NLRP11: variants seen among roughly 807,000 people sequenced by gnomAD.
The protein encoded by NLRP11 is NACHT, LRR and PYD domains-containing protein 11.
A neutral mutation model predicts 79.3 loss-of-function variants in NLRP11; 53 were observed. The ratio of observed to expected loss-of-function variants is 0.67; its 90% CI spans 0.54 to 0.84. NLRP11 has a LOEUF of 0.84. Among genes scored for constraint, NLRP11 ranks in the 40% least tolerant of loss-of-function variants. The probability of loss-of-function intolerance (pLI) is 0.00; values close to 1 mark genes in which losing one functional copy is unlikely to be tolerated. For missense variants in NLRP11, 1,264 were observed against 1,255.0 expected, an observed-to-expected ratio of 1.01 and a Z score of -0.11; for synonymous variants, 518 against 462.6, an observed-to-expected ratio of 1.12 and a Z score of -1.54.
Position 55,827,424 on chromosome 19 carries a change from T to G in NLRP11, c.-63+4539A>C, listed in dbSNP as rs944412226. ...GCCAAAATTGACAAATGGGATCTAA[T>G]TAAACTAAAGAGCTTCTGCACAGCA... On this transcript the variant is annotated intron_variant, in intron 1 of 9. Transcript: ENST00000589093. Among the ~76,000 whole-genome samples, 99 of 150,628 alleles carry G rather than the reference T, an allele frequency of 6.6e-4. 1 individual carries two copies. The highest frequency in any genetic ancestry group is 2.3e-3 in the African/African-American group (93 of 40,658).
rs569427531 is a variant in NLRP11 at position 55,803,347 on chromosome 19, AAAAC to A, written c.2004-1612_2004-1609del. 3.5e-3 allele frequency among the ~76,000 whole-genome samples: 536 copies of A among 152,272 alleles called. 2 individuals carry two copies. The highest frequency in any genetic ancestry group is 0.012 in the African/African-American group (480 of 41,548). On this transcript the variant is annotated intron_variant, in intron 4 of 9. Coordinates refer to ENST00000589093, the Ensembl canonical transcript of NLRP11. ...AGAGCAAGATTCCGTTATAAAAACA[AAAAC>A]AAACAAAACAAAACAAAAACTAGGC... is the stretch of plus-strand genomic sequence containing the variant.
chr19:55,809,807 G>A lies in NLRP11; in HGVS notation c.803C>T (p.Ala268Val), dbSNP rs926458565. The A allele has an allele frequency of 1.2e-6, 2 of 1,614,142 alleles. No homozygotes were observed. Among genetic ancestry groups the A allele is most frequent in the Non-Finnish European group, 1.7e-6 (2 of 1,179,984 alleles). ...GGAGATGAGGAACCAGCAGCCTGGA[G>A]CCATTTTTCTCTTCAGCAAACTGAC... The change falls in exon 3 of 10, where the codon GCT (alanine) becomes GTT (valine). Residue 268 changes from alanine (A) to valine (V), a missense_variant. By Grantham distance (64) the Ala-to-Val change is moderately conservative. Transcript: ENST00000589093. This position sits in a 1 kb window ranked among gnomAD's most constrained non-coding sequence, Gnocchi z 4.5.
chr19:55,822,192 A>G (rs1388790663), intron 1 of NLRP11, among the ~76,000 whole-genome samples: 1 of 152,188 alleles, frequency 6.6e-6, no homozygotes, highest in East Asian at 1.9e-4. Context: ...TGAACCTGGG[A>G]GGCAGAGATT....
intron 1 of NLRP11, among the ~76,000 whole-genome samples, chr19:55,827,379 CAA>C (rs1378835326): frequency 2.0e-5 from 3 of 150,054 alleles, no homozygotes; most frequent in African/African-American, 7.4e-5. Context: ...TCTAAAACAC[CAA>C]AAGCAATGGC....
chr19:55,814,824 C>T (rs560386610), intron 2 of NLRP11, among the ~76,000 whole-genome samples: 16 of 152,276 alleles, frequency 1.1e-4, no homozygotes, highest in Admixed American at 8.5e-4. Context: ...GGAAGCCACA[C>T]AACCCACGGA....
chr19:55,805,105 A>T (rs1173885293), intron 4 of NLRP11, among the ~76,000 whole-genome samples: 1 of 151,974 alleles, frequency 6.6e-6, no homozygotes, highest in Non-Finnish European at 1.5e-5. Flanking sequence ...GAGGAAAAAG[A>T]AGTTGTCCTA....
chr19:55,796,465 G>T (rs1156928194), intron 5 of NLRP11, among the ~76,000 whole-genome samples: 1 of 152,136 alleles, frequency 6.6e-6, no homozygotes, highest in African/African-American at 2.4e-5. Context: ...CTGTGAGCAG[G>T]CAGTTCCTTC....
chr19:55,809,541 GC>G lies in NLRP11; in HGVS notation c.1068del (p.Arg357ValfsTer22). ...GTTTGGCAGCAGAGCTGGAAGTCAC[GC>G]CCCTTGTCCATCTGCCGCTTCAGGA... On this transcript the variant is annotated frameshift_variant, in exon 3 of 10. Coordinates refer to ENST00000589093, the Ensembl canonical transcript of NLRP11. LOFTEE classifies it high-confidence loss of function. This position sits in a 1 kb window ranked among gnomAD's most constrained non-coding sequence, Gnocchi z 4.5. 5 of 1,614,166 alleles carry G rather than the reference GC, an allele frequency of 3.1e-6. No homozygotes were observed. The highest frequency in any genetic ancestry group is 4.2e-6 in the Non-Finnish European group (5 of 1,180,034).
At position 55,796,085 on chromosome 19, in the gene NLRP11, T is replaced by C. The variant is rs1478271071; in HGVS notation, c.2337A>G (p.Ser779=). Residue 779 remains serine, a synonymous_variant, in exon 6 of 10, where the codon TCA becomes TCG. Transcript: ENST00000589093. Reference sequence around the variant, plus strand: ...GCTCGTCTAAGCCAACTTACACCAGTGATATAAGAGTGCAGTTGGGATGAA... The same window carrying C: ...GCTCGTCTAAGCCAACTTACACCAGCGATATAAGAGTGCAGTTGGGATGAA... 2.5e-6 allele frequency: 4 copies of C among 1,609,838 alleles called. No individual in the cohort carries two copies. In the South Asian group the frequency reaches 4.4e-5, roughly 18 times the overall value.
At chr19:55,810,501 G>T (rs1600191207) in intron 2 of NLRP11, among the ~76,000 whole-genome samples, 163 bp from the exon 3 acceptor site, 1 of 152,272 alleles carries the variant, frequency 6.6e-6, no homozygotes, top group South Asian at 2.1e-4. Flanking sequence ...TTACCATCAT[G>T]TTGCTTGTTT....
chr19:55,792,291 G>C lies in NLRP11; in HGVS notation c.2513+10C>G. ...AACACAGTCATCCAGGACAACTGTG[G>C]GAGACTTACTGAAGCTCCTCTAACT... On this transcript the variant is annotated intron_variant, in intron 7 of 9. Transcript: ENST00000589093. The C allele has an allele frequency of 6.2e-7, 1 of 1,612,076 alleles. No homozygotes were observed. Among genetic ancestry groups the C allele is most frequent in the Non-Finnish European group, 8.5e-7 (1 of 1,178,378 alleles).
At chr19:55,794,713 T>C (rs568371703) in intron 6 of NLRP11, among the ~76,000 whole-genome samples, 14 of 151,640 alleles carry the variant, frequency 9.2e-5, no homozygotes, top group African/African-American at 3.2e-4. Context: ...TGAGCCGAGA[T>C]CGCGCCACCG....
In NLRP11 at chr19:55,793,955, C is replaced by T. The variant is rs372392722; in HGVS notation, c.2343-1484G>A. 3.3e-4 allele frequency among the ~76,000 whole-genome samples: 51 copies of T among 152,262 alleles called. 1 individual carries two copies. In the South Asian group the frequency reaches 3.5e-3, roughly 11 times the overall value. On this transcript the variant is annotated intron_variant, in intron 6 of 9. Coordinates refer to ENST00000589093, the Ensembl canonical transcript of NLRP11. ...ATTTTCCAGCTGTCAGATTTGGTCA[C>T]GACCATAAATTTGGCCTTTTACAGG...
At chr19:55,798,991 T>C (rs942704589) in intron 5 of NLRP11, among the ~76,000 whole-genome samples, 3 of 152,028 alleles carry the variant, frequency 2.0e-5, no homozygotes, top group Admixed American at 6.6e-5. Flanking sequence ...CACAAGAAAA[T>C]CTGTATTTGA....
At chr19:55,788,521 A>G (rs1384916787) in intron 9 of NLRP11, among the ~76,000 whole-genome samples, 1 of 151,772 alleles carries the variant, frequency 6.6e-6, no homozygotes, top group Non-Finnish European at 1.5e-5. Flanking sequence ...TGGACAGATC[A>G]TGAGGTCAGG....
exon 3 of NLRP11, chr19:55,808,858 A>G (rs1357553158): frequency 1.9e-6 from 3 of 1,613,962 alleles, no homozygotes; most frequent in African/African-American, 2.7e-5. Context: ...AGTAATCCAG[A>G]CAGTATAATG....
intron 6 of NLRP11, among the ~76,000 whole-genome samples, chr19:55,794,692 G>A (rs537665031): frequency 2.0e-5 from 3 of 152,160 alleles, no homozygotes; most frequent in Admixed American, 6.5e-5. Context: ...CCCGGGAGGC[G>A]GAGCTTGCAG....
intron 7 of NLRP11, among the ~76,000 whole-genome samples, chr19:55,791,953 C>A (rs1990258651): frequency 6.6e-6 from 1 of 152,148 alleles, no homozygotes; most frequent in South Asian, 2.1e-4. Context: ...AAGATATTCA[C>A]TGCCTCAGAA....
chr19:55,822,555 C>T (rs1345127818), intron 1 of NLRP11, among the ~76,000 whole-genome samples: 2 of 151,846 alleles, frequency 1.3e-5, no homozygotes, highest in Admixed American at 6.5e-5. Context: ...AGTGGATGCG[C>T]GCACCGTGCG....
Sources: gnomAD v4.1 joint callset for allele counts (sites outside exome capture counted in the v4.1 genomes callset) on GRCh38, gnomAD v4.1.1 for gene constraint, Gnocchi (gnomAD v3.1) non-coding constraint, MANE v1.5 for transcripts, NCBI Gene and HGNC (gene_info 2026-07-23, HGNC 2026-07-21) for gene names.